DACH2: variants seen among roughly 807,000 people sequenced by gnomAD.
The protein encoded by DACH2 is dachshund family transcription factor 2, also known as dachshund homolog 2.
A neutral mutation model predicts 35.8 loss-of-function variants in DACH2; 17 were observed. The ratio of observed to expected loss-of-function variants is 0.48; its 90% confidence interval spans 0.33 to 0.71. The LOEUF is 0.71. Among genes scored for constraint, DACH2 ranks in the 30% least tolerant of loss-of-function variants. DACH2 has a pLI of 0.02. For missense variants in DACH2, 469 were observed against 472.7 expected (o/e 0.99, Z 0.07); for synonymous variants, 195 against 177.3 (o/e 1.10, Z -0.79).
At chrX:86,649,966 C>T in intron 3 of DACH2, among the ~76,000 whole-genome samples, 1 of 110,554 alleles carries the variant, frequency 9.0e-6, no homozygotes, top group Middle Eastern at 4.8e-3. Context: ...CTTTTTGGCC[C>T]ATGGTAGCAG....
At chrX:86,815,803 AT>A (rs766781159) in intron 10 of DACH2, among the ~76,000 whole-genome samples, 20 of 109,643 alleles carry the variant, frequency 1.8e-4, no homozygotes, top group East Asian at 5.7e-4. Context: ...AATAAAAAAA[AT>A]AGAGGTATTT....
intron 6 of DACH2, among the ~76,000 whole-genome samples, chrX:86,732,407 C>T (rs998139453): frequency 1.8e-5 from 2 of 112,037 alleles, no homozygotes; most frequent in Admixed American, 1.9e-4. Flanking sequence ...AAACCTCCAC[C>T]CCCAAAAGGA....
rs540112243 is a variant in DACH2, at chrX:86,696,366, A to G, written c.931+1187A>G. 9.8e-5 allele frequency among the ~76,000 whole-genome samples: 11 copies of G among 112,283 alleles called. 1 individual carries two copies. In the South Asian group the frequency reaches 4.1e-3, roughly 41 times the overall value. On this transcript the variant is annotated intron_variant, in intron 5 of 11. Coordinates refer to ENST00000373125, the MANE Select transcript of DACH2 (RefSeq NM_053281.3). ...TCAAGCATAAAATGTCCCATACAAA[A>G]TGAAATGTTAAGCAAAAGCAAATGA...
rs1343621325 is a variant in DACH2, at chrX:86,153,406, A to G, written c.488+4298A>G. On this transcript the variant is annotated intron_variant, in intron 1 of 11. Transcript: ENST00000373125. ...TTCAAATACTAGAAATATGGTTATT[A>G]TGAGCGCTCAATGAGTTTGGCTTTG... Among the ~76,000 whole-genome samples the G allele has an allele frequency of 4.5e-5, 5 of 111,428 alleles. No individual in the cohort carries two copies. In the Admixed American group the frequency reaches 4.8e-4, roughly 11 times the overall value.
At chrX:86,524,669 C>A (rs1367942972) in intron 3 of DACH2, among the ~76,000 whole-genome samples, 1 of 111,791 alleles carries the variant, frequency 8.9e-6, no homozygotes, top group African/African-American at 3.2e-5. Context: ...TCTGTCAGTG[C>A]TCCTTATTCT....
intron 4 of DACH2, among the ~76,000 whole-genome samples, chrX:86,685,721 A>T (rs1041107171): frequency 9.0e-6 from 1 of 110,988 alleles, no homozygotes; most frequent in African/African-American, 3.3e-5. Context: ...GAATAGGCAC[A>T]TCACATGGCA....
intron 1 of DACH2, among the ~76,000 whole-genome samples, chrX:86,229,179 A>G (rs2032893861): frequency 9.0e-6 from 1 of 111,728 alleles, no homozygotes; most frequent in Admixed American, 9.5e-5. Flanking sequence ...TCGTTCTCCT[A>G]CATGTGGCTA....
intron 2 of DACH2, among the ~76,000 whole-genome samples, chrX:86,465,277 C>T (rs2037646650): frequency 8.9e-6 from 1 of 112,143 alleles, no homozygotes. Context: ...ACTTCTTTTG[C>T]AAACCCTTTG....
At chrX:86,533,924 G>A (rs1201201439) in intron 3 of DACH2, among the ~76,000 whole-genome samples, 2 of 111,506 alleles carry the variant, frequency 1.8e-5, no homozygotes, top group Non-Finnish European at 3.8e-5. Flanking sequence ...GAATTTCTAT[G>A]AAGACATCTC....
At chrX:86,632,978 C>A (rs1474011740) in intron 3 of DACH2, among the ~76,000 whole-genome samples, 3 of 105,282 alleles carry the variant, frequency 2.8e-5, no homozygotes, top group Non-Finnish European at 5.9e-5. Context: ...ATTCCTACAT[C>A]AAAAAAAAAA....
chrX:86,513,669 G>A (rs922447249), intron 2 of DACH2, among the ~76,000 whole-genome samples: 4 of 112,066 alleles, frequency 3.6e-5, no homozygotes, highest in African/African-American at 1.3e-4. Flanking sequence ...CTGCAAAGGT[G>A]GCAGGTTTTG....
At chrX:86,277,982 G>A (rs998544709) in intron 1 of DACH2, among the ~76,000 whole-genome samples, 15 of 111,579 alleles carry the variant, frequency 1.3e-4, no homozygotes, top group Non-Finnish European at 2.6e-4. Flanking sequence ...GATGTGCGAC[G>A]AAAAGTGGAT....
intron 7 of DACH2, among the ~76,000 whole-genome samples, chrX:86,803,741 A>C (rs1483071713): frequency 9.0e-6 from 1 of 110,778 alleles, no homozygotes; most frequent in Non-Finnish European, 1.9e-5. Flanking sequence ...AAAAGATTCA[A>C]TTGTACTGGA....
At chrX:86,428,057 A>G (rs1239825961) in intron 2 of DACH2, among the ~76,000 whole-genome samples, 1 of 111,951 alleles carries the variant, frequency 8.9e-6, no homozygotes, top group Non-Finnish European at 1.9e-5. Flanking sequence ...TAAAAGTTAG[A>G]CTACCTGTCC....
At chrX:86,154,852 G>A (rs563002625) in intron 1 of DACH2, among the ~76,000 whole-genome samples, 5 of 111,099 alleles carry the variant, frequency 4.5e-5, no homozygotes, top group South Asian at 3.7e-4. Context: ...TTAAAGTGGC[G>A]GCATCCCTTT....
rs1309535581 is a variant in DACH2 at position 86,148,644 on chromosome X, G to T, written c.24G>T (p.Val8=). 8.5e-7 allele frequency: 1 copy of T among 1,180,754 alleles called. No individual in the cohort carries two copies. Among genetic ancestry groups the T allele is most frequent in the Middle Eastern group, 2.4e-4 (1 of 4,129 alleles). The change falls in exon 1 of 12, where the codon GTG becomes GTT. Residue 8 remains valine, a synonymous_variant. Transcript: ENST00000373125. ...CCATGGCTGTCTCCGCATCTCCAGT[G>T]ATCTCTGCAACTTCCAGCGGCGCCG... MAVSASP[V]ISATSSGAGV...
intron 3 of DACH2, among the ~76,000 whole-genome samples, chrX:86,532,848 A>G (rs1314751366): frequency 1.8e-5 from 2 of 110,831 alleles, no homozygotes; most frequent in African/African-American, 6.6e-5. Context: ...ATCCTATTTG[A>G]GATAGAACCA....
At chrX:86,170,271 A>G (rs971196167) in intron 1 of DACH2, among the ~76,000 whole-genome samples, 2 of 111,697 alleles carry the variant, frequency 1.8e-5, no homozygotes, top group Non-Finnish European at 3.8e-5. Flanking sequence ...CACTACCGCT[A>G]TGACTGCACT....
chrX:86,485,005 C>A (rs6524662), intron 2 of DACH2, among the ~76,000 whole-genome samples: 10,585 of 111,161 alleles, frequency 0.095, 1,265 homozygotes, highest in African/African-American at 0.33. Flanking sequence ...TCTCCGTCCA[C>A]TTTATTCTTA....
Sources: allele counts gnomAD v4.1 joint callset (sites outside exome capture counted in the v4.1 genomes callset), GRCh38; gene constraint gnomAD v4.1.1; transcripts MANE v1.5; gene names NCBI Gene and HGNC (gene_info 2026-07-23, HGNC 2026-07-21).